The following SMC5 variants were observed in gnomAD, a reference collection of about 807,000 sequenced individuals.
SMC5 encodes the protein structural maintenance of chromosomes protein 5.
In SMC5, 88 loss-of-function variants were observed where a neutral mutation model predicts 148.3. The ratio of observed to expected loss-of-function variants is 0.59; its 90% CI spans 0.50 to 0.71. The LOEUF (loss-of-function observed/expected upper bound fraction) is 0.71, where lower values mean the gene tolerates loss of function less well. Among genes scored for constraint, SMC5 ranks in the 30% least tolerant of loss-of-function variants. The pLI is 0.00. For missense variants in SMC5, 1,142 were observed against 1,298.9 expected, an observed-to-expected ratio of 0.88 and a Z score of 1.86; for synonymous variants, 421 against 432.8, an observed-to-expected ratio of 0.97 and a Z score of 0.34.
intron 11 of SMC5, among the ~76,000 whole-genome samples, chr9:70,312,929 G>C (rs1431664110): frequency 2.6e-5 from 4 of 152,126 alleles, no homozygotes; most frequent in Admixed American, 2.6e-4. Context: ...AGTTATGTTG[G>C]TATCATAAAA....
intron 9 of SMC5, 109 bp downstream of exon 9, chr9:70,298,330 T>C (rs2035262339): frequency 8.1e-7 from 1 of 1,230,280 alleles, no homozygotes; most frequent in South Asian, 1.6e-5. Context: ...CAAGTTGCCT[T>C]CTTGAGGAAG....
intron 15 of SMC5, among the ~76,000 whole-genome samples, chr9:70,322,609 G>C (rs924159439): frequency 6.6e-6 from 1 of 152,230 alleles, no homozygotes; most frequent in Non-Finnish European, 1.5e-5. Flanking sequence ...GCCGAGGTGC[G>C]TGGATCACTT....
intron 2 of SMC5, 93 bp downstream of exon 2, chr9:70,264,538 A>G: frequency 7.7e-7 from 1 of 1,291,014 alleles, no homozygotes. Context: ...TGGGTATAGC[A>G]AACTTAATAG....
rs902113163 is a variant in SMC5, at chr9:70,312,376, C to T, written c.1579-2366C>T. On this transcript the variant is annotated intron_variant, in intron 11 of 24. Transcript: ENST00000361138. ...TATCACGAAACAGCATGGGGGAAAC[C>T]GCCCCCATGATCCAGTCACCTCCCA... Among the ~76,000 whole-genome samples, 12 of 152,136 alleles carry T rather than the reference C, an allele frequency of 7.9e-5. No individual in the cohort carries two copies. The South Asian group carries it at 8.3e-4, about 11-fold the overall frequency.
At chr9:70,297,113 C>T (rs527750771) in intron 8 of SMC5, among the ~76,000 whole-genome samples, 1 of 152,286 alleles carries the variant, frequency 6.6e-6, no homozygotes, top group South Asian at 2.1e-4. Context: ...GGAATGTTTG[C>T]ATATACATAA....
chr9:70,341,479 T>G (rs894443737), intron 17 of SMC5, among the ~76,000 whole-genome samples: 5 of 152,058 alleles, frequency 3.3e-5, no homozygotes, highest in Admixed American at 3.3e-4. Context: ...TGATTGGGAG[T>G]CTTTAACATT....
chr9:70,344,424 AAAAT>A (rs2036610401), intron 18 of SMC5, 155 bp downstream of exon 18: 1 of 307,116 alleles, frequency 3.3e-6, no homozygotes, highest in African/African-American at 2.2e-5. Flanking sequence ...ATATATATAT[AAAAT>A]AATGTTGCTT....
chr9:70,316,919 TA>T (rs1278086149), intron 13 of SMC5, among the ~76,000 whole-genome samples: 1 of 152,074 alleles, frequency 6.6e-6, no homozygotes, highest in Non-Finnish European at 1.5e-5. Context: ...GTGTTTTCAT[TA>T]ATCTTAATCT....
chr9:70,302,494 G>GAA (rs59742059), intron 10 of SMC5, among the ~76,000 whole-genome samples: 9,769 of 142,574 alleles, frequency 0.069, 367 homozygotes, highest in Non-Finnish European at 0.081. Flanking sequence ...TCCGTCTCAA[G>GAA]AAAAAAAAAT....
At chr9:70,289,532 G>A (rs73448904) in intron 8 of SMC5, among the ~76,000 whole-genome samples, 1,808 of 151,934 alleles carry the variant, frequency 0.012, 26 homozygotes, top group African/African-American at 0.041. Flanking sequence ...CAATTTGATG[G>A]CAAATAAAGG....
chr9:70,279,629 C>T (rs1440806744), intron 5 of SMC5, among the ~76,000 whole-genome samples: 1 of 151,942 alleles, frequency 6.6e-6, no homozygotes, highest in Non-Finnish European at 1.5e-5. Flanking sequence ...CCAGCCTGGC[C>T]AACATGGTGA....
chr9:70,288,810 G>C (rs1045147832), intron 8 of SMC5, among the ~76,000 whole-genome samples: 2 of 151,910 alleles, frequency 1.3e-5, no homozygotes, highest in African/African-American at 4.8e-5. Context: ...AATAAATGTG[G>C]CCTTTTGACT....
At chr9:70,295,332 G>A (rs563914931) in intron 8 of SMC5, among the ~76,000 whole-genome samples, 15 of 151,822 alleles carry the variant, frequency 9.9e-5, no homozygotes, top group African/African-American at 2.4e-4. Flanking sequence ...TTAGCCGGGC[G>A]TGGTGGCGGG....
At chr9:70,289,574 C>A (rs2035004196) in intron 8 of SMC5, among the ~76,000 whole-genome samples, 1 of 151,892 alleles carries the variant, frequency 6.6e-6, no homozygotes, top group African/African-American at 2.4e-5. Context: ...TTAAACAGTT[C>A]ACATTTACTG....
At chr9:70,316,190 A>G (rs1316799254) in intron 13 of SMC5, among the ~76,000 whole-genome samples, 2 of 152,070 alleles carry the variant, frequency 1.3e-5, no homozygotes, top group African/African-American at 4.8e-5. Flanking sequence ...CTTTTATCAC[A>G]GGCAGAAACA....
intron 22 of SMC5, 97 bp downstream of exon 22, chr9:70,348,135 CTG>C: frequency 6.8e-6 from 8 of 1,169,356 alleles, no homozygotes; most frequent in Non-Finnish European, 9.2e-6. Flanking sequence ...TGAGTTATAT[CTG>C]TGAAAAGTTT....
At chr9:70,259,573 A>G (rs2034033096) in intron 1 of SMC5, among the ~76,000 whole-genome samples, 1 of 152,338 alleles carries the variant, frequency 6.6e-6, no homozygotes, top group Middle Eastern at 3.4e-3. Context: ...GTCGCGATCC[A>G]TAGCGGCCCT....
At chr9:70,273,941 T>G (rs551183517) in intron 3 of SMC5, among the ~76,000 whole-genome samples, 1 of 152,228 alleles carries the variant, frequency 6.6e-6, no homozygotes, top group Non-Finnish European at 1.5e-5. Flanking sequence ...TGTCAAATCT[T>G]CTATATTTTT....
chr9:70,329,404 C>T (rs544100542), intron 17 of SMC5, among the ~76,000 whole-genome samples: 92 of 152,282 alleles, frequency 6.0e-4, no homozygotes, highest in African/African-American at 2.1e-3. Flanking sequence ...TTAGAAATTT[C>T]TTCCACCGGA....
Sources: gnomAD v4.1 joint callset for allele counts (sites outside exome capture counted in the v4.1 genomes callset) on GRCh38, gnomAD v4.1.1 for gene constraint, MANE v1.5 for transcripts, NCBI Gene and HGNC (gene_info 2026-07-23, HGNC 2026-07-21) for gene names.